The following UBE2E2 variants were observed in gnomAD, a reference collection of about 807,000 sequenced individuals.
UBE2E2 encodes the protein ubiquitin-conjugating enzyme E2 E2.
Under a neutral mutation model 24.7 loss-of-function variants are expected in UBE2E2, and 6 were observed. The ratio of observed to expected loss-of-function variants is 0.24; its 90% CI spans 0.13 to 0.48. The LOEUF (loss-of-function observed/expected upper bound fraction) is 0.48, where lower values mean the gene tolerates loss of function less well. Ranked by LOEUF, UBE2E2 falls within the 20% of genes least tolerant of loss-of-function variation. The probability of loss-of-function intolerance (pLI) is 0.99; values close to 1 mark genes in which losing one functional copy is unlikely to be tolerated. For missense variants in UBE2E2, 169 were observed against 245.0 expected (o/e 0.69, Z 2.07); for synonymous variants, 104 against 83.6 (o/e 1.24, Z -1.33).
At chr3:23,444,388 G>A (rs1277741135) in intron 3 of UBE2E2, among the ~76,000 whole-genome samples, 6 of 152,122 alleles carry the variant, frequency 3.9e-5, no homozygotes. Context: ...AAGTATCCCA[G>A]CAGTATAGTC....
chr3:23,433,377 G>T (rs923775323), intron 3 of UBE2E2, among the ~76,000 whole-genome samples: 2 of 151,784 alleles, frequency 1.3e-5, no homozygotes, highest in African/African-American at 4.8e-5. Flanking sequence ...TGTTTTATGC[G>T]TGCTTCTAGA....
chr3:23,347,712 A>AT (rs1359798147), intron 3 of UBE2E2, among the ~76,000 whole-genome samples: 1 of 152,164 alleles, frequency 6.6e-6, no homozygotes, highest in Admixed American at 6.5e-5. Flanking sequence ...TAATAAATAA[A>AT]TTACATTTCT....
chr3:23,546,167 A>C (rs1249008250), intron 5 of UBE2E2, among the ~76,000 whole-genome samples: 5 of 152,356 alleles, frequency 3.3e-5, no homozygotes, highest in Admixed American at 6.5e-5. Context: ...AAAATTAATT[A>C]AACATTTTTA....
intron 3 of UBE2E2, among the ~76,000 whole-genome samples, chr3:23,232,473 C>T (rs987635829): frequency 6.7e-6 from 1 of 150,274 alleles, no homozygotes; most frequent in Non-Finnish European, 1.5e-5. Flanking sequence ...TTAGTATATA[C>T]CCCTTCAAAT....
At position 23,350,891 on chromosome 3, in the gene UBE2E2, CA is replaced by C. The variant is rs564688833; in HGVS notation, c.227+133582del. Among the ~76,000 whole-genome samples the C allele has an allele frequency of 8.3e-4, 126 of 152,204 alleles. 2 individuals are homozygous for C. The highest frequency in any genetic ancestry group is 2.9e-3 in the African/African-American group (121 of 41,510). On this transcript the variant is annotated intron_variant, in intron 3 of 5. Coordinates refer to ENST00000396703, the MANE Select transcript of UBE2E2 (RefSeq NM_152653.4). The stretch of plus-strand genomic sequence containing the variant: ...GATTCAGGAAATACAGAGAACGCCT[CA>C]AAGATACTCCTCGAGAAGAGCAACT...
chr3:23,204,469 TA>T (rs1696091315), intron 1 of UBE2E2, among the ~76,000 whole-genome samples: 2 of 152,216 alleles, frequency 1.3e-5, no homozygotes, highest in Non-Finnish European at 2.9e-5. Context: ...CTCGCGGTTC[TA>T]AAGGATTTTA....
intron 3 of UBE2E2, among the ~76,000 whole-genome samples, chr3:23,360,781 T>C (rs1696092283): frequency 1.3e-5 from 2 of 152,126 alleles, no homozygotes; most frequent in African/African-American, 2.4e-5. Flanking sequence ...TTTGTAAATT[T>C]AGTATGAAAC....
At chr3:23,271,386 C>T (rs181558667) in intron 3 of UBE2E2, among the ~76,000 whole-genome samples, 51 of 152,244 alleles carry the variant, frequency 3.3e-4, no homozygotes, top group East Asian at 3.3e-3. Flanking sequence ...AAAGGTGGCG[C>T]GGACCCAAAG....
intron 3 of UBE2E2, among the ~76,000 whole-genome samples, chr3:23,372,738 CT>C (rs1176801736): frequency 6.6e-6 from 1 of 152,098 alleles, no homozygotes; most frequent in East Asian, 1.9e-4. Context: ...CCTACTCATG[CT>C]GTTATTTTTC....
intron 5 of UBE2E2, among the ~76,000 whole-genome samples, chr3:23,559,151 G>A (rs1371435076): frequency 6.6e-6 from 1 of 152,184 alleles, no homozygotes; most frequent in Middle Eastern, 3.4e-3. Flanking sequence ...AAGCACTGAA[G>A]CTTTATTCTT....
chr3:23,232,038 A>T (rs1468795823), intron 3 of UBE2E2, among the ~76,000 whole-genome samples: 1 of 152,150 alleles, frequency 6.6e-6, no homozygotes, highest in East Asian at 1.9e-4. Flanking sequence ...TGGAGACCTT[A>T]TTACTTAGGC....
chr3:23,522,108 A>G (rs17013409), intron 4 of UBE2E2, among the ~76,000 whole-genome samples: 4,337 of 151,618 alleles, frequency 0.029, 108 homozygotes, highest in East Asian at 0.13. Flanking sequence ...TCATTTGTAG[A>G]AAACTCATAT....
chr3:23,528,269 A>G (rs1169992218), intron 4 of UBE2E2, among the ~76,000 whole-genome samples: 1 of 152,212 alleles, frequency 6.6e-6, no homozygotes, highest in Admixed American at 6.5e-5. Context: ...CAGTGGGTAA[A>G]TGGGTAAACA....
At chr3:23,447,601 A>C (rs1422735239) in intron 3 of UBE2E2, among the ~76,000 whole-genome samples, 1 of 152,222 alleles carries the variant, frequency 6.6e-6, no homozygotes, top group South Asian at 2.1e-4. Flanking sequence ...CTCTGAGCTG[A>C]AAAATGATTC....
At chr3:23,250,134 T>G (rs1354327802) in intron 3 of UBE2E2, among the ~76,000 whole-genome samples, 1 of 152,180 alleles carries the variant, frequency 6.6e-6, no homozygotes, top group Non-Finnish European at 1.5e-5. Flanking sequence ...AGGACTGTTG[T>G]TACCACAACC....
At chr3:23,311,545 G>A (rs1314486626) in intron 3 of UBE2E2, among the ~76,000 whole-genome samples, 1 of 152,034 alleles carries the variant, frequency 6.6e-6, no homozygotes, top group East Asian at 1.9e-4. Flanking sequence ...GAGAGACTTG[G>A]GTTGCCAGTG....
At chr3:23,380,106 C>A (rs1337257897) in intron 3 of UBE2E2, among the ~76,000 whole-genome samples, 3 of 126,744 alleles carry the variant, frequency 2.4e-5, no homozygotes, top group Non-Finnish European at 5.1e-5. Flanking sequence ...AAAAAAAAAC[C>A]CTGAAATTGC....
chr3:23,313,109 A>T (rs570259191), intron 3 of UBE2E2, among the ~76,000 whole-genome samples: 1 of 152,110 alleles, frequency 6.6e-6, no homozygotes, highest in Non-Finnish European at 1.5e-5. Flanking sequence ...TACTAGATCC[A>T]TTTGGCCTAC....
chr3:23,214,174 G>C (rs1445880828), intron 2 of UBE2E2, among the ~76,000 whole-genome samples: 1 of 152,100 alleles, frequency 6.6e-6, no homozygotes, highest in Non-Finnish European at 1.5e-5. Flanking sequence ...ATTGCTTTTT[G>C]TATTGAATAA....
Sources: gnomAD v4.1 joint callset for allele counts (sites outside exome capture counted in the v4.1 genomes callset) on GRCh38, gnomAD v4.1.1 for gene constraint, MANE v1.5 for transcripts, NCBI Gene and HGNC (gene_info 2026-07-23, HGNC 2026-07-21) for gene names.